Variants in CTTNBP2NL observed in about 807,000 individuals in gnomAD.
CTTNBP2NL encodes CTTNBP2 N-terminal like.
CTTNBP2NL carries 16 observed loss-of-function variants against 32.5 expected under a neutral mutation model. The observed-to-expected ratio is 0.49, with a 90% CI of 0.33 to 0.75. CTTNBP2NL has a LOEUF of 0.75. Among genes scored for constraint, CTTNBP2NL ranks in the 30% least tolerant of loss-of-function variants. The probability of loss-of-function intolerance (pLI) is 0.02; values close to 1 mark genes in which losing one functional copy is unlikely to be tolerated. For synonymous variants in CTTNBP2NL, 298 were observed against 289.4 expected, an observed-to-expected ratio of 1.03 and a Z score of -0.30; for missense variants, 645 against 756.0, an observed-to-expected ratio of 0.85 and a Z score of 1.72.
rs185248606 is a variant in CTTNBP2NL, at chr1:112,400,891, A to C, written c.-134+4619A>C. Among the ~76,000 whole-genome samples, 51 of 147,506 alleles carry C rather than the reference A, an allele frequency of 3.5e-4. 1 individual carries two copies. The East Asian group carries it at 0.01, about 29-fold the overall frequency. On this transcript the variant is annotated intron_variant, in intron 1 of 5. Coordinates refer to ENST00000271277, the MANE Select transcript of CTTNBP2NL (RefSeq NM_018704.3). ...GAGGCATGAGAATTTGCTTGAACCC[A>C]GGAGGTGGAGGTTGTAGTGAGCTAA...
chr1:112,420,208 T>C (rs943890571), intron 3 of CTTNBP2NL, among the ~76,000 whole-genome samples: 1 of 145,826 alleles, frequency 6.9e-6, no homozygotes, highest in Non-Finnish European at 1.5e-5. Flanking sequence ...TGCAATAGCA[T>C]GGTTTCAGCT....
At chr1:112,438,370 C>T (rs1649800663) in intron 3 of CTTNBP2NL, among the ~76,000 whole-genome samples, 1 of 152,054 alleles carries the variant, frequency 6.6e-6, no homozygotes, top group Admixed American at 6.6e-5. Flanking sequence ...TGTAGGAATG[C>T]TAGTGATTTT....
chr1:112,427,909 A>AAC (rs1465096692), intron 3 of CTTNBP2NL, among the ~76,000 whole-genome samples: 1 of 151,630 alleles, frequency 6.6e-6, no homozygotes, highest in Non-Finnish European at 1.5e-5. Context: ...AAAAAAAAAA[A>AAC]ACAGTAAATC....
chr1:112,448,895 C>A (rs1174359237), intron 3 of CTTNBP2NL, 47 bp from the exon 4 acceptor site: 2 of 1,073,002 alleles, frequency 1.9e-6, no homozygotes, highest in African/African-American at 1.5e-5. Flanking sequence ...CCCCCTTCCT[C>A]AGTAGTTTTA....
At chr1:112,422,929 A>G (rs1242884050) in intron 3 of CTTNBP2NL, among the ~76,000 whole-genome samples, 1 of 152,170 alleles carries the variant, frequency 6.6e-6, no homozygotes, top group East Asian at 1.9e-4. Flanking sequence ...AGTAGCTGGA[A>G]CTACAGGCAC....
intron 3 of CTTNBP2NL, among the ~76,000 whole-genome samples, chr1:112,429,179 T>G (rs1425386867): frequency 5.9e-5 from 9 of 152,216 alleles, no homozygotes; most frequent in African/African-American, 2.2e-4. Context: ...CTCTTGTAAT[T>G]TAACATATTA....
chr1:112,391,162 A>G, the CTTNBP2NL span, among the ~76,000 whole-genome samples: 2 of 152,370 alleles, frequency 1.3e-5, no homozygotes, highest in South Asian at 2.1e-4. Flanking sequence ...GAGAAAATGC[A>G]GAAATGCAGG....
intron 3 of CTTNBP2NL, among the ~76,000 whole-genome samples, chr1:112,445,030 T>C (rs1415585173): frequency 6.6e-6 from 1 of 152,228 alleles, no homozygotes; most frequent in African/African-American, 2.4e-5. Context: ...GGTCTCTGTC[T>C]CTTTTATGGG....
intron 1 of CTTNBP2NL, among the ~76,000 whole-genome samples, chr1:112,397,526 C>T (rs970683370): frequency 6.6e-6 from 1 of 152,112 alleles, no homozygotes; most frequent in African/African-American, 2.4e-5. Context: ...TTTTAAATCT[C>T]AGAGATAAGA....
chr1:112,437,513 C>T (rs1038648624), intron 3 of CTTNBP2NL, among the ~76,000 whole-genome samples: 9 of 144,986 alleles, frequency 6.2e-5, no homozygotes, highest in African/African-American at 2.2e-4. Flanking sequence ...GTTTGAGTTC[C>T]TTTGTTTTTT....
rs767664409 is a variant in CTTNBP2NL at position 112,456,854 on chromosome 1, G to A, written c.1362G>A (p.Gly454=). Residue 454 remains glycine, a synonymous_variant, in exon 6 of 6, where the codon GGG becomes GGA. Transcript: ENST00000271277. ...SPGYQSSYQV[G]INQRFHAARH... Reference sequence around the variant, plus strand: ...GCTACCAGTCATCGTACCAAGTAGGGATCAACCAACGGTTCCATGCAGCTC... The same window carrying A: ...GCTACCAGTCATCGTACCAAGTAGGAATCAACCAACGGTTCCATGCAGCTC... The A allele has an allele frequency of 4.3e-6, 7 of 1,614,064 alleles. No individual in the cohort carries two copies. In the East Asian group the frequency reaches 8.9e-5, roughly 21 times the overall value.
intron 3 of CTTNBP2NL, among the ~76,000 whole-genome samples, chr1:112,437,573 G>T (rs1649772701): frequency 6.6e-6 from 1 of 152,112 alleles, no homozygotes; most frequent in African/African-American, 2.4e-5. Flanking sequence ...ACCCAGGCTG[G>T]AGTGCAGTGG....
rs1570740765 is a variant in CTTNBP2NL, at chr1:112,443,620, A to G, written c.100-5322A>G. ...TGCCTTGGCCTCCCAAAGTGCTGGT[A>G]TTATAGCTGTGAGCCACTGCACCTG... is the stretch of plus-strand genomic sequence containing the variant. On this transcript the variant is annotated intron_variant, in intron 3 of 5. Transcript: ENST00000271277. 5.3e-5 allele frequency among the ~76,000 whole-genome samples: 8 copies of G among 152,342 alleles called. 2 individuals are homozygous for G. The highest frequency in any genetic ancestry group is 5.2e-4 in the Admixed American group (8 of 15,310).
chr1:112,394,403 C>T (rs1195633925), upstream of CTTNBP2NL, among the ~76,000 whole-genome samples: 3 of 152,216 alleles, frequency 2.0e-5, no homozygotes, highest in African/African-American at 7.2e-5. Flanking sequence ...TTTCAAGTTC[C>T]TTTGCCTGCT....
rs147801675 is a variant in CTTNBP2NL, at chr1:112,433,551, C to T, written c.100-15391C>T. Among the ~76,000 whole-genome samples the T allele has an allele frequency of 2.6e-5, 4 of 152,308 alleles. No individual in the cohort carries two copies. The East Asian group carries it at 7.7e-4, about 29-fold the overall frequency. ...AGGTTGCAGTGAGCCAAGATTGTGC[C>T]ACTGCACTGCAGCTCGGGCGACAGA... On this transcript the variant is annotated intron_variant, in intron 3 of 5. Coordinates refer to ENST00000271277, the MANE Select transcript of CTTNBP2NL (RefSeq NM_018704.3).
chr1:112,457,744 T>G lies in CTTNBP2NL; in HGVS notation c.*332T>G. On this transcript the variant is annotated 3_prime_UTR_variant, in exon 6 of 6. Transcript: ENST00000271277. Reference sequence around the variant, plus strand: ...AGAATCACTCAACACTCATTTTGAATTATGCAGAAGTGGTTCATGCAGATT... The same window carrying G: ...AGAATCACTCAACACTCATTTTGAAGTATGCAGAAGTGGTTCATGCAGATT... The G allele has an allele frequency of 4.7e-6, 1 of 212,346 alleles. No homozygotes were observed. Among genetic ancestry groups the G allele is most frequent in the Non-Finnish European group, 9.4e-6 (1 of 106,498 alleles). 13.2% of individuals were successfully genotyped at this position (212,346 alleles called of 1,614,324 possible).
intron 5 of CTTNBP2NL, 130 bp downstream of exon 5, chr1:112,454,686 G>A: frequency 1.4e-6 from 1 of 713,388 alleles, no homozygotes; most frequent in Non-Finnish European, 2.5e-6. Context: ...GGAACTACTG[G>A]ATTAAGCAAA....
chr1:112,416,543 G>A (rs2101002677), intron 3 of CTTNBP2NL, among the ~76,000 whole-genome samples: 1 of 151,684 alleles, frequency 6.6e-6, no homozygotes, highest in African/African-American at 2.4e-5. Context: ...CTGTCGCCAG[G>A]CTGGAGTGCA....
intron 2 of CTTNBP2NL, among the ~76,000 whole-genome samples, chr1:112,412,819 A>T (rs1375824792): frequency 6.6e-6 from 1 of 151,916 alleles, no homozygotes; most frequent in Non-Finnish European, 1.5e-5. Context: ...GGGTTTCACC[A>T]TGTTGGCCAG....
Sources: gnomAD v4.1 joint callset for allele counts (sites outside exome capture counted in the v4.1 genomes callset) on GRCh38, gnomAD v4.1.1 for gene constraint, MANE v1.5 for transcripts, NCBI Gene and HGNC (gene_info 2026-07-23, HGNC 2026-07-21) for gene names.